PRDM9: variants seen among roughly 807,000 people sequenced by gnomAD.
The protein encoded by PRDM9 is histone-lysine N-methyltransferase PRDM9.
PRDM9 carries 47 observed loss-of-function variants against 55.6 expected under a neutral mutation model. The ratio of observed to expected loss-of-function variants is 0.85; its 90% CI spans 0.67 to 1.08. The LOEUF is 1.08. PRDM9 is among the 50% of genes least tolerant of loss of function. The pLI, the probability that PRDM9 is intolerant of heterozygous loss-of-function variation, is 0.00. For missense variants in PRDM9, 867 were observed against 1,040.3 expected (o/e 0.83, Z 2.29); for synonymous variants, 312 against 375.7 (o/e 0.83, Z 1.96).
Position 23,517,751 on chromosome 5 carries a change from C to T in PRDM9, c.302-130C>T, listed in dbSNP as rs569226968. On this transcript the variant is annotated intron_variant, in intron 4 of 10. Coordinates refer to ENST00000296682, the MANE Select transcript of PRDM9 (RefSeq NM_020227.4). ...GCAGTGAGTGGAGATTGAGCCACTG[C>T]ACTCCAGCCTGGGCGACAGAGGGAG... 1.0e-4 allele frequency: 90 copies of T among 875,268 alleles called. No homozygotes were observed. In the South Asian group the frequency reaches 1.2e-3, roughly 12 times the overall value. The allele number at this position is 875,268 out of a possible 1,614,324, so 54.2% of individuals were successfully genotyped here.
At chr5:23,515,452 C>T (rs1163499904) in intron 4 of PRDM9, among the ~76,000 whole-genome samples, 1 of 152,122 alleles carries the variant, frequency 6.6e-6, no homozygotes, top group African/African-American at 2.4e-5. Flanking sequence ...TATTTTCTTC[C>T]ACTCTGTAGG....
chr5:23,522,666 C>G lies in PRDM9; in HGVS notation c.663C>G (p.Pro221=). The stretch of plus-strand genomic sequence containing the variant: ...TTGACAGCTGTGCTGCCCATGGGCC[C>G]CCTACATTTGTAAAGGACAGTGCAG... The part of the protein sequence containing the change: ...FFIDSCAAHG[P]PTFVKDSAVD... Residue 221 remains proline, a synonymous_variant, in exon 8 of 11, where the codon CCC becomes CCG. Coordinates refer to ENST00000296682, the MANE Select transcript of PRDM9 (RefSeq NM_020227.4). The G allele has an allele frequency of 6.2e-7, 1 of 1,614,188 alleles. No individual in the cohort carries two copies. Among genetic ancestry groups the G allele is most frequent in the African/African-American group, 1.3e-5 (1 of 75,058 alleles).
chr5:23,525,746 C>T (rs1739417108), intron 10 of PRDM9, among the ~76,000 whole-genome samples: 3 of 152,172 alleles, frequency 2.0e-5, no homozygotes, highest in Admixed American at 2.0e-4. Context: ...TTAATAGATC[C>T]TTTTCCCCTC....
chr5:23,516,133 T>A (rs1304548822), intron 4 of PRDM9, among the ~76,000 whole-genome samples: 1 of 152,222 alleles, frequency 6.6e-6, no homozygotes, highest in African/African-American at 2.4e-5. Context: ...AGTCTTCAAA[T>A]CCATGAACAC....
In PRDM9 at chr5:23,521,093, A is replaced by C. The variant is rs1481178213; in HGVS notation, c.422A>C (p.Asn141Thr). Residue 141 changes from asparagine to threonine, a missense_variant, in exon 6 of 11, where the codon AAT becomes ACT. Around this residue, in one of 5 missense-constraint regions of PRDM9, gnomAD observed 662 missense variants for 711.9 expected, o/e 0.93. Coordinates refer to ENST00000296682, the MANE Select transcript of PRDM9 (RefSeq NM_020227.4). ...KELSRTANLLNASGSEQAQKP... is the reference protein window; with the variant it reads ...KELSRTANLLTASGSEQAQKP... ...TTGTCAAGAACAGCAAATTTACTGA[A>C]TGCAAGTGGCTCAGAGCAGGCTCAG... 6.2e-7 allele frequency: 1 copy of C among 1,614,220 alleles called. No individual in the cohort carries two copies. The highest frequency in any genetic ancestry group is 8.5e-7 in the Non-Finnish European group (1 of 1,180,024).
rs1337906575 is a variant in PRDM9 at position 23,522,598 on chromosome 5, C to T, written c.611-16C>T. On this transcript the variant is annotated splice_polypyrimidine_tract_variant and intron_variant, in intron 7 of 10. Coordinates refer to ENST00000296682, the MANE Select transcript of PRDM9 (RefSeq NM_020227.4). ...TGCATTACAACTTTCCTAATCTCTG[C>T]TTCCCTCACTTCCAGATTGTGAGAT... 3.1e-6 allele frequency: 5 copies of T among 1,614,202 alleles called. No homozygotes were observed. The highest frequency in any genetic ancestry group is 1.6e-4 in the Middle Eastern group (1 of 6,062).
In PRDM9 at chr5:23,526,817, G is replaced by T. The variant is rs1450756413; in HGVS notation, c.1729G>T (p.Glu577Ter). ...CATTCACCAGAGGATACACACAGGG[G>T]AGAAGCCCTATGTCTGCAGGGAGTG... The part of the protein sequence containing the change: ...LLIHQRIHTG[E>*]KPYVCRECGR... The change falls in exon 11 of 11, where the codon GAG (glutamate) becomes TAG (stop). Residue 577 changes from glutamate to a stop codon, truncating the protein, a stop_gained. Coordinates refer to ENST00000296682, the MANE Select transcript of PRDM9 (RefSeq NM_020227.4). LOFTEE classifies it low-confidence loss of function (END_TRUNC). 9.4e-6 allele frequency: 15 copies of T among 1,590,964 alleles called. No homozygotes were observed. In the Admixed American group the frequency reaches 2.7e-4, roughly 28 times the overall value.
intron 10 of PRDM9, among the ~76,000 whole-genome samples, chr5:23,525,619 AC>A (rs778287295): frequency 7.2e-4 from 109 of 152,290 alleles, no homozygotes; most frequent in Non-Finnish European, 1.3e-3. Flanking sequence ...CTGATGGAGA[AC>A]CAGGCACATA....
chr5:23,523,415 A>G, intron 9 of PRDM9, 57 bp downstream of exon 9: 2 of 1,537,200 alleles, frequency 1.3e-6, no homozygotes, highest in East Asian at 2.2e-5. Context: ...ACAAAGCTGG[A>G]TTTCCTTCCT....
intron 10 of PRDM9, 70 bp downstream of exon 10, chr5:23,524,597 A>G (rs549522924): frequency 6.2e-7 from 1 of 1,603,874 alleles, no homozygotes; most frequent in South Asian, 1.1e-5. Flanking sequence ...TTCATGGTTT[A>G]ACTCTTAAGT....
At chr5:23,513,223 C>T (rs1384853851) in intron 4 of PRDM9, among the ~76,000 whole-genome samples, 2 of 152,140 alleles carry the variant, frequency 1.3e-5, no homozygotes, top group African/African-American at 4.8e-5. Context: ...TTTACAGTGT[C>T]TGCACCATTT....
At chr5:23,516,920 C>T (rs1454665700) in intron 4 of PRDM9, among the ~76,000 whole-genome samples, 3 of 149,484 alleles carry the variant, frequency 2.0e-5, no homozygotes, top group Non-Finnish European at 4.4e-5. Flanking sequence ...GGGCAGATCA[C>T]GAGGTCAGGA....
intron 4 of PRDM9, among the ~76,000 whole-genome samples, chr5:23,512,521 A>G (rs1441746341): frequency 6.6e-6 from 1 of 152,210 alleles, no homozygotes; most frequent in Non-Finnish European, 1.5e-5. Flanking sequence ...TGACATGAAA[A>G]GAATGGCTCT....
intron 4 of PRDM9, among the ~76,000 whole-genome samples, chr5:23,512,420 G>A (rs1042934038): frequency 6.6e-6 from 1 of 152,006 alleles, no homozygotes; most frequent in Admixed American, 6.6e-5. Context: ...TTGGGTCTAC[G>A]ATTTCCCCAT....
intron 5 of PRDM9, among the ~76,000 whole-genome samples, chr5:23,519,735 C>T (rs1169319562): frequency 6.6e-6 from 1 of 151,864 alleles, no homozygotes; most frequent in African/African-American, 2.4e-5. Flanking sequence ...TATTATCTTT[C>T]ATGTTCACTA....
At chr5:23,522,467 C>A (rs1246290660) in intron 7 of PRDM9, 62 bp downstream of exon 7, 1 of 1,584,362 alleles carries the variant, frequency 6.3e-7, no homozygotes, top group East Asian at 2.2e-5. Context: ...ATAATTTCAT[C>A]ATTTGGCCCA....
intron 4 of PRDM9, among the ~76,000 whole-genome samples, chr5:23,516,451 C>G (rs558796097): frequency 6.6e-6 from 1 of 151,834 alleles, no homozygotes; most frequent in East Asian, 2.0e-4. Context: ...CGGCTCACTG[C>G]AAGCTCCACT....
chr5:23,509,218 AGCTG>A, intron 2 of PRDM9, 116 bp downstream of exon 2: 3 of 1,443,122 alleles, frequency 2.1e-6, no homozygotes, highest in Non-Finnish European at 2.9e-6. Context: ...GAATGGGGGC[AGCTG>A]GTCCTGGCCA....
At chr5:23,524,177 G>A (rs1453040550) in intron 9 of PRDM9, among the ~76,000 whole-genome samples, 157 bp from the exon 10 acceptor site, 1 of 152,174 alleles carries the variant, frequency 6.6e-6, no homozygotes, top group Non-Finnish European at 1.5e-5. Flanking sequence ...CATTGTGAAA[G>A]AGATTTAGGA....
Sources: gnomAD v4.1 joint callset for allele counts (sites outside exome capture counted in the v4.1 genomes callset) on GRCh38, gnomAD v4.1.1 for gene constraint, gnomAD v4.1.1 regional missense constraint, MANE v1.5 for transcripts, NCBI Gene and HGNC (gene_info 2026-07-23, HGNC 2026-07-21) for gene names.